Variants in RACGAP1 observed in about 807,000 individuals in gnomAD.
The protein encoded by RACGAP1 is Rac GTPase activating protein 1, also known as rac GTPase-activating protein 1.
RACGAP1 carries 30 observed loss-of-function variants against 78.1 expected under a neutral mutation model. That is an observed-to-expected ratio of 0.38 (90% CI 0.29 to 0.52). The LOEUF (loss-of-function observed/expected upper bound fraction) is 0.52. Among genes scored for constraint, RACGAP1 ranks in the 20% least tolerant of loss-of-function variants. The pLI, the probability that RACGAP1 is intolerant of heterozygous loss-of-function variation, is 0.82. For missense variants in RACGAP1, 587 were observed against 777.1 expected (o/e 0.76, Z 2.91); for synonymous variants, 231 against 264.8 (o/e 0.87, Z 1.24).
chr12:50,018,668 T>C, intron 1 of RACGAP1: 1 of 774,188 alleles, frequency 1.3e-6, no homozygotes, highest in Admixed American at 2.6e-5. Flanking sequence ...TTCACTTATA[T>C]ATCGTGAGAC....
chr12:49,990,449 C>A (rs1947758507), intron 16 of RACGAP1, 106 bp from the exon 17 acceptor site: 14 of 1,060,196 alleles, frequency 1.3e-5, no homozygotes, highest in Middle Eastern at 2.1e-4. Context: ...AAACCCTAGA[C>A]AACTATTTTG....
chr12:50,005,148 T>C, intron 4 of RACGAP1, 108 bp downstream of exon 4: 1 of 1,519,020 alleles, frequency 6.6e-7, no homozygotes, highest in Non-Finnish European at 8.9e-7. Context: ...TTTTTCTGCT[T>C]TTTTCAGCAC....
At chr12:50,006,669 C>G in intron 2 of RACGAP1, 33 bp from the exon 3 acceptor site, 1 of 1,595,898 alleles carries the variant, frequency 6.3e-7, no homozygotes, top group Non-Finnish European at 8.6e-7. Context: ...ATAATTCAAG[C>G]ACCAAACAGA....
chr12:50,002,072 G>GAAAAAAAAAAA (rs79466036), intron 6 of RACGAP1, among the ~76,000 whole-genome samples, 175 bp downstream of exon 6: 1 of 87,222 alleles, frequency 1.1e-5, no homozygotes. Context: ...TCAAAAAAAA[G>GAAAAAAAAAAA]AAAAAAAAAA....
At chr12:49,999,770 G>A (rs767960605) in intron 7 of RACGAP1, 37 bp from the exon 8 acceptor site, 1 of 1,498,600 alleles carries the variant, frequency 6.7e-7, no homozygotes, top group South Asian at 1.1e-5. Context: ...GACAAACAAA[G>A]AATCTAACTT....
At chr12:50,032,208 A>G (rs1950341948) in intron 1 of RACGAP1, among the ~76,000 whole-genome samples, 1 of 152,186 alleles carries the variant, frequency 6.6e-6, no homozygotes, top group South Asian at 2.1e-4. Flanking sequence ...GGAATAAATG[A>G]GTTATCCTTA....
rs1565681309 is a variant in RACGAP1, at chr12:50,006,514, CA to C, written c.207del (p.Asp69GlufsTer4). The C allele has an allele frequency of 6.2e-7, 1 of 1,614,200 alleles. No individual in the cohort carries two copies. The highest frequency in any genetic ancestry group is 8.5e-7 in the Non-Finnish European group (1 of 1,180,026). ...TGATTACGTGCATGCTTCAGCTTAA[CA>C]TCCAGAGCACTTCGCTCAGTCTCTG... ...MKAETERSAL[D>X]VKLKHARNQV... On this transcript the variant is annotated frameshift_variant, in exon 3 of 17. Coordinates refer to ENST00000312377, the MANE Select transcript of RACGAP1 (RefSeq NM_001319999.2). LOFTEE classifies it high-confidence loss of function.
intron 4 of RACGAP1, among the ~76,000 whole-genome samples, 165 bp downstream of exon 4, chr12:50,005,090 AG>A (rs1948893411): frequency 6.6e-6 from 1 of 152,264 alleles, no homozygotes; most frequent in African/African-American, 2.4e-5. Context: ...TAAAATATAC[AG>A]GGACATCCCT....
chr12:49,994,544 C>T (rs763524849), intron 10 of RACGAP1, 35 bp from the exon 11 acceptor site: 26 of 1,599,892 alleles, frequency 1.6e-5, no homozygotes, highest in South Asian at 1.4e-4. Flanking sequence ...TTATTATTTA[C>T]GCCATGTAGA....
chr12:50,029,411 A>T (rs1950311134), upstream of RACGAP1, among the ~76,000 whole-genome samples: 1 of 151,424 alleles, frequency 6.6e-6, no homozygotes, highest in Admixed American at 6.6e-5. Flanking sequence ...ACAAACAAAC[A>T]AACAAAAAAC....
chr12:50,028,248 G>A (rs1471410672), upstream of RACGAP1, among the ~76,000 whole-genome samples: 1 of 152,210 alleles, frequency 6.6e-6, no homozygotes, highest in Non-Finnish European at 1.5e-5. Context: ...CTTATTAAAT[G>A]ATTGGACCTC....
intron 3 of RACGAP1, 35 bp from the exon 4 acceptor site, chr12:50,005,427 G>T: frequency 6.2e-7 from 1 of 1,609,860 alleles, no homozygotes. Flanking sequence ...ATCATAACTA[G>T]CCAGGGGAGA....
chr12:50,001,161 A>C lies in RACGAP1; in HGVS notation c.630+11T>G. The C allele has an allele frequency of 4.4e-6, 7 of 1,574,876 alleles. No individual in the cohort carries two copies. Among genetic ancestry groups the C allele is most frequent in the Non-Finnish European group, 6.1e-6 (7 of 1,144,776 alleles). On this transcript the variant is annotated intron_variant, in intron 7 of 16. Transcript: ENST00000312377. ...CAGTAATCTCTGTTACCTTGGCCTG[A>C]CTATTCTTACCTGGTCTACTGCAGA...
At chr12:50,024,790 T>TAA (rs547111018) in intron 1 of RACGAP1, among the ~76,000 whole-genome samples, 10 of 145,102 alleles carry the variant, frequency 6.9e-5, no homozygotes, top group African/African-American at 2.0e-4. Context: ...AATGCTTTCT[T>TAA]AAAAAAAAAA....
chr12:49,994,249 G>A lies in RACGAP1; in HGVS notation c.1221C>T (p.Pro407=), dbSNP rs556055419. The change falls in exon 12 of 17, where the codon CCC becomes CCT. Residue 407 remains proline (P), a synonymous_variant. Coordinates refer to ENST00000312377, the MANE Select transcript of RACGAP1 (RefSeq NM_001319999.2). ...GGATATCATCCACTTTGCTGAGGAG[G>A]GGTACAGTTTTCACTCTGAGGAATT... The part of the protein sequence containing the change: ...KEKFLRVKTV[P]LLSKVDDIHA... 1 of 1,614,074 alleles carries A rather than the reference G, an allele frequency of 6.2e-7. No individual in the cohort carries two copies. The highest frequency in any genetic ancestry group is 2.2e-5 in the East Asian group (1 of 44,882).
At chr12:50,010,215 G>A (rs1332317053) in intron 2 of RACGAP1, among the ~76,000 whole-genome samples, 3 of 151,724 alleles carry the variant, frequency 2.0e-5, no homozygotes, top group Non-Finnish European at 2.9e-5. Context: ...TGTGTGGACT[G>A]GAGAAAACAA....
In RACGAP1 at chr12:49,999,253, TTCCAA is replaced by T. The variant is rs765193848; in HGVS notation, c.762_766del (p.Trp255GlnfsTer2). On this transcript the variant is annotated frameshift_variant, in exon 9 of 17. Transcript: ENST00000312377. LOFTEE classifies it high-confidence loss of function. ...CCTGCTGTTCAGGGTGGAGTCACTG[TTCCAA>T]GGTTGTAAAGTACCTAGAAAACAAG... 7.4e-6 allele frequency: 12 copies of T among 1,611,754 alleles called. No homozygotes were observed. Among genetic ancestry groups the T allele is most frequent in the Non-Finnish European group, 1.0e-5 (12 of 1,179,476 alleles).
intron 1 of RACGAP1, chr12:50,017,065 T>C: frequency 9.7e-7 from 1 of 1,030,368 alleles, no homozygotes; most frequent in Non-Finnish European, 1.2e-6. Flanking sequence ...TATTGATTAA[T>C]ATAATAATTT....
chr12:50,000,192 T>G (rs1174729988), intron 7 of RACGAP1, among the ~76,000 whole-genome samples: 1 of 151,832 alleles, frequency 6.6e-6, no homozygotes, highest in Non-Finnish European at 1.5e-5. Flanking sequence ...TTTTTGTATT[T>G]TTAGTAGAGA....
Sources: allele counts gnomAD v4.1 joint callset (sites outside exome capture counted in the v4.1 genomes callset), GRCh38; gene constraint gnomAD v4.1.1; transcripts MANE v1.5; gene names NCBI Gene and HGNC (gene_info 2026-07-23, HGNC 2026-07-21).